USP13: variants seen among roughly 807,000 people sequenced by gnomAD.
The protein encoded by USP13 is ubiquitin carboxyl-terminal hydrolase 13.
A neutral mutation model predicts 107.8 loss-of-function variants in USP13; 68 were observed. The observed-to-expected ratio is 0.63, with a 90% CI of 0.52 to 0.77. USP13 has a LOEUF of 0.77. USP13 is among the 30% of genes least tolerant of loss of function. The probability of loss-of-function intolerance (pLI) is 0.00; values close to 1 mark genes in which losing one functional copy is unlikely to be tolerated. For synonymous variants in USP13, 377 were observed against 389.5 expected, an observed-to-expected ratio of 0.97 and a Z score of 0.38; for missense variants, 945 against 1,093.3, an observed-to-expected ratio of 0.86 and a Z score of 1.91.
chr3:179,696,416 C>T (rs191819608), intron 3 of USP13, among the ~76,000 whole-genome samples: 55 of 148,972 alleles, frequency 3.7e-4, no homozygotes, highest in Non-Finnish European at 7.7e-4. Context: ...CCGCAACCTC[C>T]GCCTCCCGGG....
Position 179,710,663 on chromosome 3 carries a change from T to C in USP13, c.805+1706T>C, listed in dbSNP as rs138879908. On this transcript the variant is annotated intron_variant, in intron 6 of 20. Coordinates refer to ENST00000263966, the MANE Select transcript of USP13 (RefSeq NM_003940.3). Reference sequence around the variant, plus strand: ...CCTGTGTCACTTAAGGATGGTGATATGTTCCGAGAATGCATCATTAGGTGA... The same window carrying C: ...CCTGTGTCACTTAAGGATGGTGATACGTTCCGAGAATGCATCATTAGGTGA... 2.7e-3 allele frequency among the ~76,000 whole-genome samples: 409 copies of C among 152,346 alleles called. 1 individual carries two copies. Among genetic ancestry groups the C allele is most frequent in the Non-Finnish European group, 4.7e-3 (320 of 68,036 alleles).
chr3:179,773,743 G>A (rs558888797), intron 19 of USP13, among the ~76,000 whole-genome samples: 1 of 152,286 alleles, frequency 6.6e-6, no homozygotes, highest in East Asian at 1.9e-4. Flanking sequence ...AGATTGCCAG[G>A]TTAGGTTAAA....
intron 17 of USP13, among the ~76,000 whole-genome samples, chr3:179,761,984 G>T (rs1560078374): frequency 6.6e-6 from 1 of 152,090 alleles, no homozygotes; most frequent in East Asian, 1.9e-4. Context: ...CATTTCAATG[G>T]TTTTTCATAA....
chr3:179,727,162 TG>T (rs1268758149), intron 8 of USP13, among the ~76,000 whole-genome samples: 18 of 124,666 alleles, frequency 1.4e-4, no homozygotes, highest in South Asian at 7.5e-4. Context: ...CAATTTTTAA[TG>T]TTTTTTTTTT....
rs1712596733 is a variant in USP13 at position 179,703,233 on chromosome 3, G to A, written c.477+2104G>A. Among the ~76,000 whole-genome samples, 3 of 152,166 alleles carry A rather than the reference G, an allele frequency of 2.0e-5. 1 individual carries two copies. In the South Asian group the frequency reaches 6.2e-4, roughly 32 times the overall value. ...GGACTTATCTGATGGTAATGGATAGGATTTATCTACATAGAAGATGCTAGT... is the reference window on the plus strand; with the variant it reads ...GGACTTATCTGATGGTAATGGATAGAATTTATCTACATAGAAGATGCTAGT... On this transcript the variant is annotated intron_variant, in intron 4 of 20. Transcript: ENST00000263966.
chr3:179,707,724 A>G (rs17788193), intron 5 of USP13, among the ~76,000 whole-genome samples: 55,690 of 152,050 alleles, frequency 0.37, 12,431 homozygotes, highest in Non-Finnish European at 0.48. Flanking sequence ...GGCTCCATTC[A>G]TATCTCCTCT....
intron 10 of USP13, among the ~76,000 whole-genome samples, chr3:179,737,151 G>A (rs1282537819): frequency 6.6e-6 from 1 of 152,122 alleles, no homozygotes; most frequent in Non-Finnish European, 1.5e-5. Flanking sequence ...CTAGTAGGAT[G>A]GACTCAGGGA....
intron 12 of USP13, 96 bp from the exon 13 acceptor site, chr3:179,744,947 C>T (rs377467536): frequency 2.2e-5 from 33 of 1,478,948 alleles, no homozygotes; most frequent in Admixed American, 3.9e-5. Context: ...TCTGGCCCAG[C>T]GCAGAAGCCT....
chr3:179,729,899 C>T (rs1028849649), intron 8 of USP13, among the ~76,000 whole-genome samples: 7 of 152,144 alleles, frequency 4.6e-5, no homozygotes, highest in South Asian at 2.1e-4. Flanking sequence ...CTCAGTCTCA[C>T]GCAATGAAAT....
chr3:179,759,897 C>T (rs1714943102), intron 16 of USP13, among the ~76,000 whole-genome samples: 1 of 152,336 alleles, frequency 6.6e-6, no homozygotes. Context: ...TGGTCTCCAT[C>T]TCTTGACCTT....
intron 3 of USP13, among the ~76,000 whole-genome samples, chr3:179,695,501 G>A (rs1712291383): frequency 6.6e-6 from 1 of 151,594 alleles, no homozygotes; most frequent in South Asian, 2.1e-4. Flanking sequence ...GTTCATTCAA[G>A]TGAAATGACC....
chr3:179,785,332 C>T lies in USP13; in HGVS notation c.*1191C>T, dbSNP rs924952407. On this transcript the variant is annotated 3_prime_UTR_variant, in exon 21 of 21. Coordinates refer to ENST00000263966, the MANE Select transcript of USP13 (RefSeq NM_003940.3). The stretch of plus-strand genomic sequence containing the variant: ...GACCAACAGTGTGATCTTGGACACA[C>T]TAAGGATTTTAGATGCAAAGAAACT... The T allele has an allele frequency of 2.0e-5, 3 of 152,220 alleles. No homozygotes were observed. The highest frequency in any genetic ancestry group is 7.2e-5 in the African/African-American group (3 of 41,534). 9.4% of individuals were successfully genotyped at this position (152,220 alleles called of 1,614,324 possible). A position where few individuals can be genotyped will look rare whatever the true frequency, so the allele number is the denominator to read the frequency against.
intron 4 of USP13, 79 bp downstream of exon 4, chr3:179,701,208 C>T (rs750261483): frequency 1.5e-4 from 12 of 77,528 alleles, no homozygotes; most frequent in Non-Finnish European, 2.5e-4. Flanking sequence ...TGTGTGTGTG[C>T]GGGGGTGGGG....
chr3:179,711,532 C>A (rs1465065017), intron 6 of USP13, among the ~76,000 whole-genome samples: 1 of 152,056 alleles, frequency 6.6e-6, no homozygotes, highest in Admixed American at 6.6e-5. Context: ...TTTAAAATAT[C>A]TTTATTTTAT....
In USP13 at chr3:179,721,509, G is replaced by A. The variant is rs115755648; in HGVS notation, c.1008G>A (p.Thr336=). The change falls in exon 8 of 21, where the codon ACG becomes ACA. Residue 336 remains threonine (T), a synonymous_variant. Coordinates refer to ENST00000263966, the MANE Select transcript of USP13 (RefSeq NM_003940.3). The surrounding 1 kb of genome is among the most constrained non-coding windows in gnomAD (Gnocchi z 4.3). ...KLKPMYGPGY[T]GLKNLGNSCY... ...AGCCAATGTATGGTCCTGGCTACAC[G>A]GGTCTGAAGAACCTGGGCAACAGCT... 1,594 of 1,614,126 alleles carry A rather than the reference G, an allele frequency of 9.9e-4. 1 individual carries two copies. Among genetic ancestry groups the A allele is most frequent in the Middle Eastern group, 2.5e-3 (15 of 6,058 alleles).
intron 8 of USP13, among the ~76,000 whole-genome samples, chr3:179,724,460 G>GAAAA (rs10671346): frequency 2.4e-5 from 2 of 85,068 alleles, no homozygotes; most frequent in African/African-American, 3.5e-5. Context: ...TCTGTCTCAA[G>GAAAA]AAAAAAAAAA....
chr3:179,751,730 C>CT (rs3216642), intron 13 of USP13, among the ~76,000 whole-genome samples: 195 of 147,548 alleles, frequency 1.3e-3, no homozygotes, highest in African/African-American at 2.8e-3. Context: ...CAAAAGCATT[C>CT]TTTTTTTTTT....
intron 19 of USP13, among the ~76,000 whole-genome samples, chr3:179,774,244 G>T (rs562900860): frequency 6.6e-6 from 1 of 152,130 alleles, no homozygotes; most frequent in African/African-American, 2.4e-5. Flanking sequence ...AGGGCACCAA[G>T]GTATTCATGA....
At chr3:179,773,248 C>G (rs143328788) in intron 19 of USP13, among the ~76,000 whole-genome samples, 1 of 152,102 alleles carries the variant, frequency 6.6e-6, no homozygotes, top group Non-Finnish European at 1.5e-5. Flanking sequence ...TTATTTCCCC[C>G]GCTTTGTACA....
Sources: gnomAD v4.1 joint callset for allele counts (sites outside exome capture counted in the v4.1 genomes callset) on GRCh38, gnomAD v4.1.1 for gene constraint, Gnocchi (gnomAD v3.1) non-coding constraint, MANE v1.5 for transcripts, NCBI Gene and HGNC (gene_info 2026-07-23, HGNC 2026-07-21) for gene names.